Variants in FOXO1 observed in about 807,000 individuals in gnomAD.
FOXO1 encodes forkhead box protein O1.
FOXO1 carries 6 observed loss-of-function variants against 44.1 expected under a neutral mutation model. The observed-to-expected ratio is 0.14, with a 90% CI of 0.07 to 0.27. FOXO1 has a LOEUF of 0.27. Ranked by LOEUF, FOXO1 falls within the 10% of genes least tolerant of loss-of-function variation. The probability of loss-of-function intolerance (pLI) is 1.00; values close to 1 mark genes in which losing one functional copy is unlikely to be tolerated. For synonymous variants in FOXO1, 380 were observed against 362.7 expected (o/e 1.05, Z -0.54); for missense variants, 737 against 888.8 (o/e 0.83, Z 2.17).
intron 1 of FOXO1, among the ~76,000 whole-genome samples, chr13:40,616,622 T>C (rs1433059805): frequency 6.6e-6 from 1 of 152,132 alleles, no homozygotes; most frequent in Non-Finnish European, 1.5e-5. Flanking sequence ...CATGAGGGAT[T>C]TTATTTATTG....
chr13:40,584,469 CAAAAAAAAAAAAAAAA>C lies in FOXO1; in HGVS notation c.631-23625_631-23610del, dbSNP rs55733141. Among the ~76,000 whole-genome samples, 827 of 63,128 alleles carry C rather than the reference CAAAAAAAAAAAAAAAA, an allele frequency of 0.013. 32 individuals carry two copies. The East Asian group carries it at 0.15, about 11-fold the overall frequency. 41.4% of individuals were successfully genotyped at this position (63,128 alleles called of 152,430 possible). On this transcript the variant is annotated intron_variant, in intron 1 of 2. Coordinates refer to ENST00000379561, the MANE Select transcript of FOXO1 (RefSeq NM_002015.4). ...AGAAATTCTATCTCCACAAAAAATG[CAAAAAAAAAAAAAAAA>C]AAAAAAAAAAAAAAAAGCCAGATGC...
intron 1 of FOXO1, chr13:40,620,631 C>A: frequency 2.5e-6 from 1 of 402,444 alleles, no homozygotes. Context: ...TTACTGACAG[C>A]AGCCAGCACA....
intron 1 of FOXO1, among the ~76,000 whole-genome samples, chr13:40,617,120 C>G (rs552071516): frequency 6.6e-6 from 1 of 152,146 alleles, no homozygotes; most frequent in Non-Finnish European, 1.5e-5. Flanking sequence ...AGAGAAATGA[C>G]AGTTTAGGGA....
In FOXO1 at chr13:40,556,839, T is replaced by C. The variant is rs543820398; in HGVS notation, c.*2210A>G. 6.6e-6 allele frequency: 1 copy of C among 152,348 alleles called. No homozygotes were observed. Among genetic ancestry groups the C allele is most frequent in the Non-Finnish European group, 1.5e-5 (1 of 68,034 alleles). The allele number at this position is 152,348 out of a possible 1,614,324, so 9.4% of individuals were successfully genotyped here. A position where few individuals can be genotyped will look rare whatever the true frequency, so the allele number is the denominator to read the frequency against. On this transcript the variant is annotated 3_prime_UTR_variant, in exon 3 of 3. Transcript: ENST00000379561. Reference sequence around the variant, plus strand: ...GGGGGCTCTGAGGTTCCTTGTATTATGATGCAGTAATGGCACGGGAGGAAA... The same window carrying C: ...GGGGGCTCTGAGGTTCCTTGTATTACGATGCAGTAATGGCACGGGAGGAAA...
chr13:40,613,037 G>T (rs1366299592), intron 1 of FOXO1, among the ~76,000 whole-genome samples: 2 of 152,168 alleles, frequency 1.3e-5, no homozygotes, highest in Admixed American at 1.3e-4. Context: ...CAGAGGTGAA[G>T]AATTAAACTT....
At chr13:40,584,774 G>A (rs1164793279) in intron 1 of FOXO1, among the ~76,000 whole-genome samples, 4 of 152,132 alleles carry the variant, frequency 2.6e-5, no homozygotes, top group African/African-American at 4.8e-5. Context: ...GAAGGCAACC[G>A]AATAAGCGAG....
chr13:40,575,127 T>C (rs1874694101), intron 1 of FOXO1, among the ~76,000 whole-genome samples: 1 of 150,092 alleles, frequency 6.7e-6, no homozygotes, highest in Admixed American at 6.6e-5. Flanking sequence ...AGCACAGGAG[T>C]TTAAGACCAG....
chr13:40,571,581 A>G (rs1313535780), intron 1 of FOXO1, among the ~76,000 whole-genome samples: 2 of 152,178 alleles, frequency 1.3e-5, no homozygotes, highest in Non-Finnish European at 2.9e-5. Flanking sequence ...CTTGCCCATC[A>G]GTGACCTAAA....
intron 1 of FOXO1, among the ~76,000 whole-genome samples, chr13:40,653,910 A>G (rs943623637): frequency 2.0e-5 from 3 of 152,210 alleles, no homozygotes; most frequent in Admixed American, 1.3e-4. Flanking sequence ...TAACATAGTA[A>G]GAGTAGAGAG....
At chr13:40,635,671 T>C (rs1430306970) in intron 1 of FOXO1, among the ~76,000 whole-genome samples, 1 of 152,232 alleles carries the variant, frequency 6.6e-6, no homozygotes, top group Non-Finnish European at 1.5e-5. Flanking sequence ...TTAAGCTAAA[T>C]TTCTCACCTC....
In FOXO1 at chr13:40,559,009, C is replaced by T. The variant is rs1181509603; in HGVS notation, c.*40G>A. 2 of 397,314 alleles carry T rather than the reference C, an allele frequency of 5.0e-6. No individual in the cohort carries two copies. Among genetic ancestry groups the T allele is most frequent in the East Asian group, 7.1e-5 (2 of 28,000 alleles). The allele number at this position is 397,314 out of a possible 1,614,324, so 24.6% of individuals were successfully genotyped here. On this transcript the variant is annotated 3_prime_UTR_variant, in exon 3 of 3. Coordinates refer to ENST00000379561, the MANE Select transcript of FOXO1 (RefSeq NM_002015.4). ...GCTTCTCTCAGTTCCTGCTGTCAGA[C>T]AATCTGAAGTACTTTTAAGTGTAAC...
chr13:40,625,352 T>C (rs1214665603), intron 1 of FOXO1, among the ~76,000 whole-genome samples: 2 of 152,084 alleles, frequency 1.3e-5, no homozygotes, highest in Non-Finnish European at 1.5e-5. Flanking sequence ...AAAATAAAAA[T>C]AAATATGGGT....
chr13:40,572,030 C>G lies in FOXO1; in HGVS notation c.631-11170G>C, dbSNP rs570194232. 2.0e-3 allele frequency among the ~76,000 whole-genome samples: 301 copies of G among 152,308 alleles called. 2 individuals are homozygous for G. The highest frequency in any genetic ancestry group is 6.8e-3 in the African/African-American group (281 of 41,566). On this transcript the variant is annotated intron_variant, in intron 1 of 2. Coordinates refer to ENST00000379561, the MANE Select transcript of FOXO1 (RefSeq NM_002015.4). ...TAAAGTGAATTTTAAAGTATTTTGT[C>G]AGCATTACATTGATGAGCCTGTTAA... is the stretch of plus-strand genomic sequence containing the variant.
At chr13:40,567,043 T>G (rs1874297417) in intron 1 of FOXO1, among the ~76,000 whole-genome samples, 1 of 152,140 alleles carries the variant, frequency 6.6e-6, no homozygotes, top group African/African-American at 2.4e-5. Flanking sequence ...CACCCTGGCC[T>G]GGACTCTCAC....
At chr13:40,566,944 G>C (rs1157915188) in intron 1 of FOXO1, among the ~76,000 whole-genome samples, 2 of 152,054 alleles carry the variant, frequency 1.3e-5, no homozygotes, top group Non-Finnish European at 2.9e-5. Flanking sequence ...TCAAGACTGG[G>C]TTGAAAAAAG....
chr13:40,666,230 C>A lies in FOXO1; in HGVS notation c.-18G>T. The A allele has an allele frequency of 7.2e-7, 1 of 1,384,526 alleles. No homozygotes were observed. The highest frequency in any genetic ancestry group is 1.5e-5 in the South Asian group (1 of 64,722). The allele number at this position is 1,384,526 out of a possible 1,614,324, so 85.8% of individuals were successfully genotyped here. On this transcript the variant is annotated 5_prime_UTR_variant, in exon 1 of 3. Transcript: ENST00000379561. ...TCGGCCATGGTGACCCCCGCCCCTC[C>A]CCCAGCCGCAGGAGAGCCAAGAGGG...
chr13:40,576,341 TAA>T (rs755480885), intron 1 of FOXO1, among the ~76,000 whole-genome samples: 3 of 151,776 alleles, frequency 2.0e-5, no homozygotes, highest in Non-Finnish European at 4.4e-5. Flanking sequence ...GACAACAGAG[TAA>T]AGTTATAATG....
rs1412538788 is a variant in FOXO1, at chr13:40,556,567, C to T, written c.*2482G>A. 1 of 152,550 alleles carries T rather than the reference C, an allele frequency of 6.6e-6. No individual in the cohort carries two copies. The highest frequency in any genetic ancestry group is 2.4e-5 in the African/African-American group (1 of 41,410). The allele number at this position is 152,550 out of a possible 1,614,324, so 9.4% of individuals were successfully genotyped here. A position where few individuals can be genotyped will look rare whatever the true frequency, so the allele number is the denominator to read the frequency against. The stretch of plus-strand genomic sequence containing the variant: ...TTACTCCAGAAAGTCAGTATTCTTA[C>T]AGGAAAAAAACTACCAGAGGCCACA... On this transcript the variant is annotated 3_prime_UTR_variant, in exon 3 of 3. Transcript: ENST00000379561.
At chr13:40,587,285 A>C (rs1359744207) in intron 1 of FOXO1, among the ~76,000 whole-genome samples, 1 of 150,500 alleles carries the variant, frequency 6.6e-6, no homozygotes, top group Non-Finnish European at 1.5e-5. Flanking sequence ...AAAAAAAAAA[A>C]GTGGGAGTGG....
Sources: gnomAD v4.1 joint callset for allele counts (sites outside exome capture counted in the v4.1 genomes callset) on GRCh38, gnomAD v4.1.1 for gene constraint, MANE v1.5 for transcripts, NCBI Gene and HGNC (gene_info 2026-07-23, HGNC 2026-07-21) for gene names.